The following DENND3 variants were observed in gnomAD, a reference collection of about 807,000 sequenced individuals.
DENND3 encodes DENN domain containing 3.
Under a neutral mutation model 135.1 loss-of-function variants are expected in DENND3, and 88 were observed. The ratio of observed to expected loss-of-function variants is 0.65; its 90% confidence interval spans 0.55 to 0.78. The LOEUF (loss-of-function observed/expected upper bound fraction) is 0.78. Ranked by LOEUF, DENND3 falls within the 30% of genes least tolerant of loss-of-function variation. The probability of loss-of-function intolerance (pLI) is 0.00; values close to 1 mark genes in which losing one functional copy is unlikely to be tolerated. For synonymous variants in DENND3, 693 were observed against 712.3 expected (o/e 0.97, Z 0.43); for missense variants, 1,392 against 1,688.4 (o/e 0.82, Z 3.08).
rs1445080077 is a variant in DENND3 at position 141,175,077 on chromosome 8, G to A, written c.2276-123G>A. 2 of 1,178,032 alleles carry A rather than the reference G, an allele frequency of 1.7e-6. No homozygotes were observed. Among genetic ancestry groups the A allele is most frequent in the Non-Finnish European group, 2.4e-6 (2 of 839,924 alleles). The allele number at this position is 1,178,032 out of a possible 1,614,324, so 73.0% of individuals were successfully genotyped here. A position where few individuals can be genotyped will look rare whatever the true frequency, so the allele number is the denominator to read the frequency against. ...AGGCAGTTTCCATCCAGCGCCCTGA[G>A]TGCTGGCGCCACCTGCTGCCGGGTT... On this transcript the variant is annotated intron_variant, in intron 13 of 22. Transcript: ENST00000519811. The surrounding 1 kb of genome is among the most constrained non-coding windows in gnomAD (Gnocchi z 5.4).
chr8:141,175,481 G>A lies in DENND3; in HGVS notation c.2535+22G>A, dbSNP rs12675070. On this transcript the variant is annotated intron_variant, in intron 14 of 22. Transcript: ENST00000519811. The surrounding 1 kb of genome is among the most constrained non-coding windows in gnomAD (Gnocchi z 5.4). ...AGAGGTAAGGACAGCACAGGCAGAC[G>A]GCGCCAGACCCCACCTGTGTTTAGG... 0.31 allele frequency: 495,382 copies of A among 1,613,698 alleles called. 76,845 individuals carry two copies. Among genetic ancestry groups the A allele is most frequent in the Non-Finnish European group, 0.32 (377,571 of 1,179,932 alleles).
rs750981920 is a variant in DENND3, at chr8:141,189,122, T to C, written c.3221T>C (p.Val1074Ala). The C allele has an allele frequency of 6.2e-7, 1 of 1,614,206 alleles. No homozygotes were observed. The highest frequency in any genetic ancestry group is 8.5e-7 in the Non-Finnish European group (1 of 1,180,026). The change falls in exon 19 of 23, where the codon GTG (valine) becomes GCG (alanine). Residue 1074 changes from valine (V) to alanine (A), a missense_variant. Val to Ala is a moderately conservative substitution (Grantham distance 64). Coordinates refer to ENST00000519811, the MANE Select transcript of DENND3 (RefSeq NM_001352890.3). ...AHCSSVTDLI[V>A]QDGQEAPSNV... ...TGCTCCAGTGTCACGGATTTGATTG[T>C]GCAGGACGGACAGGAGGCACCCAGG...
rs1820382083 is a variant in DENND3, at chr8:141,163,400, G to C, written c.1420G>C (p.Ala474Pro). The change falls in exon 10 of 23, where the codon GCT becomes CCT. Residue 474 changes from alanine to proline, a missense_variant. Coordinates refer to ENST00000519811, the MANE Select transcript of DENND3 (RefSeq NM_001352890.3). ...FNSEEFLKTR[A>P]PGDHQFYKQV... The stretch of plus-strand genomic sequence containing the variant: ...TAGTGAAGAATTTCTCAAAACCAGG[G>C]CTCCAGGGGACCATCAGTTTTATAA... 1.9e-6 allele frequency: 3 copies of C among 1,613,158 alleles called. No homozygotes were observed. Among genetic ancestry groups the C allele is most frequent in the South Asian group, 1.1e-5 (1 of 91,010 alleles).
Position 141,141,511 on chromosome 8 carries a change from T to A in DENND3, c.623+187T>A. On this transcript the variant is annotated intron_variant, in intron 4 of 22. Transcript: ENST00000519811. This position sits in a 1 kb window ranked among gnomAD's most constrained non-coding sequence, Gnocchi z 5.3. ...TCTCTGTGCCTCTTAGGCTGTTGCT[T>A]AAGGCTGGGGGCAGTGGGCAGGGGG... The A allele has an allele frequency of 8.5e-6, 4 of 470,458 alleles. No individual in the cohort carries two copies. The highest frequency in any genetic ancestry group is 1.1e-5 in the Non-Finnish European group (3 of 276,846). 29.1% of individuals were successfully genotyped at this position (470,458 alleles called of 1,614,324 possible). A position where few individuals can be genotyped will look rare whatever the true frequency, so the allele number is the denominator to read the frequency against.
At chr8:141,193,749 C>T in intron 22 of DENND3, 1 of 519,404 alleles carries the variant, frequency 1.9e-6, no homozygotes, top group Non-Finnish European at 3.5e-6. Context: ...TGTCACCTCA[C>T]ACAGGTGGCT....
intron 18 of DENND3, among the ~76,000 whole-genome samples, chr8:141,187,715 G>C (rs1334679061): frequency 2.0e-5 from 3 of 152,090 alleles, no homozygotes; most frequent in South Asian, 4.1e-4. Context: ...ATAAGAGCCT[G>C]CTAAATCATT....
chr8:141,156,703 G>A (rs1365154808), intron 8 of DENND3, among the ~76,000 whole-genome samples: 6 of 152,024 alleles, frequency 3.9e-5, no homozygotes, highest in Non-Finnish European at 8.8e-5. Flanking sequence ...GGGTTCTGAT[G>A]GGCATGACGC....
chr8:141,180,001 C>G (rs1279114986), intron 16 of DENND3, among the ~76,000 whole-genome samples: 6 of 152,144 alleles, frequency 3.9e-5, no homozygotes, highest in Non-Finnish European at 7.3e-5. Context: ...GGAGCCGTGT[C>G]AGAGCAGGCT....
rs962866323 is a variant in DENND3 at position 141,151,062 on chromosome 8, C to T, written c.855+109C>T. On this transcript the variant is annotated intron_variant, in intron 6 of 22. Transcript: ENST00000519811. ...GCGAGTTTATTCCACAATGCACCGACTGGTATACTCGAAATGTTTATTATT... is the reference window on the plus strand; with the variant it reads ...GCGAGTTTATTCCACAATGCACCGATTGGTATACTCGAAATGTTTATTATT... The T allele has an allele frequency of 3.6e-6, 5 of 1,370,102 alleles. No homozygotes were observed. In the African/African-American group the frequency reaches 4.4e-5, roughly 12 times the overall value. The allele number at this position is 1,370,102 out of a possible 1,614,324, so 84.9% of individuals were successfully genotyped here.
chr8:141,184,920 CCT>C, intron 17 of DENND3: 1 of 523,984 alleles, frequency 1.9e-6, no homozygotes. Flanking sequence ...CGGCTCTGAC[CCT>C]GTCTTTGTGG....
Position 141,187,139 on chromosome 8 carries a change from G to A in DENND3, c.3085-1847G>A, listed in dbSNP as rs72681545. On this transcript the variant is annotated intron_variant, in intron 18 of 22. Transcript: ENST00000519811. The stretch of plus-strand genomic sequence containing the variant: ...GCCACCCCATCATGGGATCTGCTGA[G>A]AAATCCTCATGCCTTACTCCTTGAG... 5.0e-3 allele frequency among the ~76,000 whole-genome samples: 764 copies of A among 151,846 alleles called. 2 individuals carry two copies. Among genetic ancestry groups the A allele is most frequent in the Admixed American group, 7.7e-3 (117 of 15,258 alleles).
At chr8:141,161,962 C>A (rs953690942) in intron 9 of DENND3, among the ~76,000 whole-genome samples, 11 of 151,992 alleles carry the variant, frequency 7.2e-5, no homozygotes, top group African/African-American at 2.7e-4. Flanking sequence ...CACCACCACG[C>A]CTAACTAATT....
At chr8:141,159,350 G>C (rs1395255494) in intron 8 of DENND3, among the ~76,000 whole-genome samples, 1 of 152,112 alleles carries the variant, frequency 6.6e-6, no homozygotes, top group Non-Finnish European at 1.5e-5. Flanking sequence ...ATGCTGACCT[G>C]GCCCACACTC....
At chr8:141,162,800 G>A (rs1820296166) in intron 9 of DENND3, among the ~76,000 whole-genome samples, 1 of 152,242 alleles carries the variant, frequency 6.6e-6, no homozygotes. Context: ...TGTAGTCCCA[G>A]CTACTCGGGA....
intron 9 of DENND3, among the ~76,000 whole-genome samples, chr8:141,162,269 A>G (rs952761535): frequency 1.3e-5 from 2 of 152,196 alleles, no homozygotes; most frequent in African/African-American, 4.8e-5. Flanking sequence ...AAGATGAAAT[A>G]TCTTATGAAC....
chr8:141,131,352 C>T (rs1356002385), intron 1 of DENND3, among the ~76,000 whole-genome samples: 1 of 152,188 alleles, frequency 6.6e-6, no homozygotes, highest in Non-Finnish European at 1.5e-5. Context: ...TTCTGAGTAC[C>T]TTGCGTAGTA....
At chr8:141,159,859 C>T (rs1819912448) in intron 8 of DENND3, among the ~76,000 whole-genome samples, 1 of 152,206 alleles carries the variant, frequency 6.6e-6, no homozygotes, top group African/African-American at 2.4e-5. Context: ...AGCCTTTGGC[C>T]ATCTCCTGGT....
In DENND3 at chr8:141,145,853, A is replaced by AT. The variant is rs1398317725; in HGVS notation, c.735+1607dup. On this transcript the variant is annotated intron_variant, in intron 5 of 22. Coordinates refer to ENST00000519811, the MANE Select transcript of DENND3 (RefSeq NM_001352890.3). ...TATATATATATATATATATATATGTATTTTTTTTTTTTTGAGGCGGAGTCT... is the reference window on the plus strand; with the variant it reads ...TATATATATATATATATATATATGTATTTTTTTTTTTTTTGAGGCGGAGTCT... 9.9e-4 allele frequency among the ~76,000 whole-genome samples: 85 copies of AT among 85,810 alleles called. 2 individuals are homozygous for AT. Among genetic ancestry groups the AT allele is most frequent in the Middle Eastern group, 7.4e-3 (1 of 136 alleles). The allele number at this position is 85,810 out of a possible 152,430, so 56.3% of individuals were successfully genotyped here.
At chr8:141,178,302 C>T in intron 16 of DENND3, 106 bp downstream of exon 16, 3 of 1,448,990 alleles carry the variant, frequency 2.1e-6, no homozygotes, top group Non-Finnish European at 2.7e-6. Flanking sequence ...GCCCAGCTCC[C>T]CCAGTTTTTT....
Sources: allele counts gnomAD v4.1 joint callset (sites outside exome capture counted in the v4.1 genomes callset), GRCh38; gene constraint gnomAD v4.1.1; non-coding constraint Gnocchi (gnomAD v3.1); transcripts MANE v1.5; gene names NCBI Gene and HGNC (gene_info 2026-07-23, HGNC 2026-07-21).